The following DMD variants were observed in gnomAD, a reference collection of about 807,000 sequenced individuals.
The protein encoded by DMD is dystrophin.
DMD carries 63 observed loss-of-function variants against 330.1 expected under a neutral mutation model. That is an observed-to-expected ratio of 0.19 (90% CI 0.16 to 0.24). The LOEUF is 0.24. DMD is among the 10% of genes least tolerant of loss of function. The pLI, the probability that DMD is intolerant of heterozygous loss-of-function variation, is 1.00. For synonymous variants in DMD, 1,223 were observed against 959.8 expected (o/e 1.27, Z -5.07); for missense variants, 3,344 against 2,684.1 (o/e 1.25, Z -5.43).
At chrX:31,765,640 C>T (rs756761203) in intron 51 of DMD, among the ~76,000 whole-genome samples, 88 of 111,542 alleles carry the variant, frequency 7.9e-4, no homozygotes, top group Non-Finnish European at 1.5e-3. Context: ...TTAATGTATA[C>T]GTTAATTTTA....
chrX:31,351,181 TATAC>T (rs1293888449), intron 60 of DMD, among the ~76,000 whole-genome samples: 2 of 84,820 alleles, frequency 2.4e-5, no homozygotes, highest in African/African-American at 4.7e-5. Context: ...CACACACACA[TATAC>T]ATACATACAT....
intron 11 of DMD, among the ~76,000 whole-genome samples, chrX:32,625,165 C>T (rs1385009317): frequency 7.2e-5 from 8 of 110,695 alleles, no homozygotes; most frequent in Non-Finnish European, 1.3e-4. Flanking sequence ...AGTGAAACGC[C>T]GTTTCAAAAA....
At chrX:33,267,398 A>G (rs2053062637) in intron 1 of DMD, among the ~76,000 whole-genome samples, 1 of 111,483 alleles carries the variant, frequency 9.0e-6, no homozygotes, top group African/African-American at 3.3e-5. Flanking sequence ...ATTGGAAGAA[A>G]CAATATAATT....
chrX:33,131,306 A>G lies in DMD; in HGVS notation c.31+79976T>C, dbSNP rs1438776350. ...ATCCCCTGAAGAACTTCTTTAAGAAAAAAACCCAGTGCCCAAACTGCACTT... is the reference window on the plus strand; with the variant it reads ...ATCCCCTGAAGAACTTCTTTAAGAAGAAAACCCAGTGCCCAAACTGCACTT... On this transcript the variant is annotated intron_variant, in intron 1 of 78. Coordinates refer to ENST00000357033, the MANE Select transcript of DMD (RefSeq NM_004006.3). Among the ~76,000 whole-genome samples the G allele has an allele frequency of 3.6e-5, 4 of 111,260 alleles. No homozygotes were observed. In the Admixed American group the frequency reaches 3.8e-4, roughly 11 times the overall value.
chrX:31,176,009 T>C (rs1239666045), intron 71 of DMD, among the ~76,000 whole-genome samples: 1 of 111,622 alleles, frequency 9.0e-6, no homozygotes, highest in Non-Finnish European at 1.9e-5. Context: ...CCATATCAAA[T>C]GGATCAAATA....
chrX:31,342,373 T>C (rs140069636), intron 61 of DMD, among the ~76,000 whole-genome samples: 1,128 of 112,154 alleles, frequency 0.01, 12 homozygotes, highest in African/African-American at 0.035. Flanking sequence ...TGAAATTAAC[T>C]GGTGTGCCTG....
chrX:32,958,905 A>G (rs1306431122), intron 2 of DMD, among the ~76,000 whole-genome samples: 1 of 110,790 alleles, frequency 9.0e-6, no homozygotes, highest in Non-Finnish European at 1.9e-5. Context: ...CTTAGATATC[A>G]TAAATGCAGC....
chrX:31,454,755 T>C (rs950821454), intron 59 of DMD, among the ~76,000 whole-genome samples: 5 of 110,135 alleles, frequency 4.5e-5, no homozygotes, highest in Non-Finnish European at 9.5e-5. Flanking sequence ...TCTTTATTTA[T>C]TTTTATTTTA....
rs139797611 is a variant in DMD at position 31,763,495 on chromosome X, G to A, written c.7542+10465C>T. Among the ~76,000 whole-genome samples the A allele has an allele frequency of 6.3e-3, 708 of 111,974 alleles. 3 individuals are homozygous for A. The highest frequency in any genetic ancestry group is 9.8e-3 in the Non-Finnish European group (523 of 53,140). The stretch of plus-strand genomic sequence containing the variant: ...GGAGAATCGCTTGAACCTAGGTGGC[G>A]GAGGTTGCAGTGAGCCGAGATCGTG... On this transcript the variant is annotated intron_variant, in intron 51 of 78. Coordinates refer to ENST00000357033, the MANE Select transcript of DMD (RefSeq NM_004006.3).
intron 44 of DMD, among the ~76,000 whole-genome samples, chrX:32,059,417 A>G (rs1474452813): frequency 9.0e-6 from 1 of 111,447 alleles, no homozygotes; most frequent in Non-Finnish European, 1.9e-5. Context: ...GGGTGGGAGC[A>G]CCATAAACAC....
intron 2 of DMD, among the ~76,000 whole-genome samples, chrX:32,927,079 T>G (rs780615233): frequency 5.4e-5 from 6 of 111,228 alleles, no homozygotes; most frequent in African/African-American, 2.0e-4. Flanking sequence ...TTTATTGACT[T>G]TTTTATTCCA....
intron 41 of DMD, among the ~76,000 whole-genome samples, chrX:32,334,046 C>T (rs2097693556): frequency 9.0e-6 from 1 of 111,552 alleles, no homozygotes; most frequent in Admixed American, 9.6e-5. Context: ...CTGATACTCG[C>T]TGAACATGCC....
rs1485973669 is a variant in DMD at position 32,644,102 on chromosome X, C to A, written c.1331+30G>T. ...TCACAAGCTTCCAAAACTTGTTAGT[C>A]TTCTTAATTAAAAACAAATAAGGAC... On this transcript the variant is annotated intron_variant, in intron 11 of 78. Transcript: ENST00000357033. 7 of 1,155,745 alleles carry A rather than the reference C, an allele frequency of 6.1e-6. No individual in the cohort carries two copies. The Admixed American group carries it at 1.1e-4, about 19-fold the overall frequency.
chrX:31,300,823 C>T (rs1245597700), intron 62 of DMD, among the ~76,000 whole-genome samples: 1 of 111,956 alleles, frequency 8.9e-6, no homozygotes, highest in African/African-American at 3.2e-5. Flanking sequence ...AAATGTATTG[C>T]TCAGACTTCC....
chrX:32,209,635 G>T (rs2097085837), intron 44 of DMD, among the ~76,000 whole-genome samples: 1 of 111,227 alleles, frequency 9.0e-6, no homozygotes, highest in African/African-American at 3.3e-5. Flanking sequence ...TTTTCTATTT[G>T]GAATTTGCAA....
chrX:33,323,088 TTC>T (rs2054038352), intron 1 of DMD, among the ~76,000 whole-genome samples: 1 of 111,930 alleles, frequency 8.9e-6, no homozygotes, highest in South Asian at 3.7e-4. Flanking sequence ...TGAATTAGAC[TTC>T]TTCTTTTTAA....
chrX:31,406,185 A>G (rs145118810), intron 60 of DMD, among the ~76,000 whole-genome samples: 2,012 of 111,794 alleles, frequency 0.018, 50 homozygotes, highest in African/African-American at 0.062. Context: ...AAGCCATAGG[A>G]AATATCAATG....
At chrX:32,935,090 TGCCTCAGCCTCCC>T (rs2089898530) in intron 2 of DMD, among the ~76,000 whole-genome samples, 1 of 112,538 alleles carries the variant, frequency 8.9e-6, no homozygotes, top group Non-Finnish European at 1.9e-5. Context: ...GCCATTCTCC[TGCCTCAGCCTCCC>T]GAGTAGCTGG....
intron 1 of DMD, among the ~76,000 whole-genome samples, chrX:33,268,949 G>A (rs190065184): frequency 2.3e-4 from 25 of 108,503 alleles, no homozygotes; most frequent in Non-Finnish European, 3.8e-5. Context: ...AAACGCTGGT[G>A]AGGCTGTAGA....
Sources: gnomAD v4.1 joint callset for allele counts (sites outside exome capture counted in the v4.1 genomes callset) on GRCh38, gnomAD v4.1.1 for gene constraint, MANE v1.5 for transcripts, NCBI Gene and HGNC (gene_info 2026-07-23, HGNC 2026-07-21) for gene names.